The following CALN1 variants were observed in gnomAD, a reference collection of about 807,000 sequenced individuals.
CALN1 encodes calneuron 1.
Under a neutral mutation model 30.6 loss-of-function variants are expected in CALN1, and 17 were observed. That is an observed-to-expected ratio of 0.56 (90% confidence interval 0.38 to 0.83). The LOEUF (loss-of-function observed/expected upper bound fraction) is 0.83, where lower values mean the gene tolerates loss of function less well. Ranked by LOEUF, CALN1 falls within the 40% of genes least tolerant of loss-of-function variation. CALN1 has a pLI of 0.00. For synonymous variants in CALN1, 156 were observed against 131.4 expected (o/e 1.19, Z -1.28); for missense variants, 291 against 354.9 (o/e 0.82, Z 1.45).
At chr7:72,105,728 AGAG>A (rs1171675906) in intron 4 of CALN1, among the ~76,000 whole-genome samples, 5 of 146,920 alleles carry the variant, frequency 3.4e-5, no homozygotes, top group Non-Finnish European at 7.5e-5. Context: ...GTTATTTAGA[AGAG>A]GAGGAGGAGG....
At chr7:71,949,305 G>A (rs1434382359) in intron 5 of CALN1, among the ~76,000 whole-genome samples, 1 of 152,140 alleles carries the variant, frequency 6.6e-6, no homozygotes. Context: ...TGTACGTCGA[G>A]TAAGTGACTG....
chr7:71,913,007 A>G (rs1260908480), intron 5 of CALN1, among the ~76,000 whole-genome samples: 1 of 152,196 alleles, frequency 6.6e-6, no homozygotes, highest in African/African-American at 2.4e-5. Context: ...GCACCCATCA[A>G]GTGGAGGCTG....
rs146721779 is a variant in CALN1, at chr7:72,275,451, G to A, written c.244+3235C>T. Among the ~76,000 whole-genome samples, 204 of 152,170 alleles carry A rather than the reference G, an allele frequency of 1.3e-3. 1 individual carries two copies. The highest frequency in any genetic ancestry group is 4.6e-3 in the African/African-American group (193 of 41,514). ...CCTGCTCTAAAATCAGAACACATCC[G>A]CACTGTCCTGCCCAGAGCCCCGAGA... On this transcript the variant is annotated intron_variant, in intron 3 of 6. Coordinates refer to ENST00000395275, the MANE Select transcript of CALN1 (RefSeq NM_031468.4).
chr7:72,184,746 C>T (rs1790061404), intron 3 of CALN1, among the ~76,000 whole-genome samples: 1 of 152,158 alleles, frequency 6.6e-6, no homozygotes, highest in Middle Eastern at 3.4e-3. Context: ...GAGTATTCTG[C>T]AGGTACTTAG....
At chr7:72,281,471 AC>A (rs1797729415) in intron 2 of CALN1, among the ~76,000 whole-genome samples, 1 of 152,206 alleles carries the variant, frequency 6.6e-6, no homozygotes. Context: ...AGTGAGCCTC[AC>A]CAGCTGTTAT....
chr7:72,432,330 A>C (rs1808005293), intron 1 of CALN1, among the ~76,000 whole-genome samples: 1 of 152,176 alleles, frequency 6.6e-6, no homozygotes, highest in African/African-American at 2.4e-5. Flanking sequence ...GAGTCCATTA[A>C]ACCTCTTTTT....
intron 5 of CALN1, among the ~76,000 whole-genome samples, chr7:72,007,704 G>C (rs1057273385): frequency 1.3e-5 from 2 of 152,204 alleles, no homozygotes; most frequent in Admixed American, 6.5e-5. Flanking sequence ...CAACATCTGC[G>C]CTCTATGCAA....
rs142580326 is a variant in CALN1 at position 72,371,280 on chromosome 7, T to C, written c.119+31971A>G. 4.1e-3 allele frequency among the ~76,000 whole-genome samples: 617 copies of C among 152,288 alleles called. 3 individuals carry two copies. Among genetic ancestry groups the C allele is most frequent in the African/African-American group, 0.014 (591 of 41,560 alleles). Reference sequence around the variant, plus strand: ...TGAGATCTAAGGATTGAAGTATGTATGTTTGCATGTATGCATATGATATGG... The same window carrying C: ...TGAGATCTAAGGATTGAAGTATGTACGTTTGCATGTATGCATATGATATGG... On this transcript the variant is annotated intron_variant, in intron 2 of 6. Coordinates refer to ENST00000395275, the MANE Select transcript of CALN1 (RefSeq NM_031468.4).
At chr7:72,087,503 G>A (rs1805556861) in intron 4 of CALN1, among the ~76,000 whole-genome samples, 1 of 152,134 alleles carries the variant, frequency 6.6e-6, no homozygotes, top group Non-Finnish European at 1.5e-5. Flanking sequence ...ACCAAAGAGT[G>A]TTAGAAAAGT....
At chr7:71,985,226 A>G (rs1039696879) in intron 5 of CALN1, among the ~76,000 whole-genome samples, 5 of 152,184 alleles carry the variant, frequency 3.3e-5, no homozygotes, top group African/African-American at 1.2e-4. Context: ...GCAAATCAAA[A>G]CGACTATGAA....
rs117973975 is a variant in CALN1, at chr7:72,390,581, C to T, written c.119+12670G>A. Among the ~76,000 whole-genome samples, 1,250 of 152,266 alleles carry T rather than the reference C, an allele frequency of 8.2e-3. 7 individuals carry two copies. The highest frequency in any genetic ancestry group is 0.014 in the Middle Eastern group (4 of 294). ...AAGAATATACCTTTATTTCCATTAT[C>T]CTATAAATGAAATCTAGCATTTTCT... is the stretch of plus-strand genomic sequence containing the variant. On this transcript the variant is annotated intron_variant, in intron 2 of 6. Coordinates refer to ENST00000395275, the MANE Select transcript of CALN1 (RefSeq NM_031468.4).
intron 3 of CALN1, among the ~76,000 whole-genome samples, chr7:72,150,649 G>C (rs1206699441): frequency 6.6e-6 from 1 of 152,192 alleles, no homozygotes; most frequent in Non-Finnish European, 1.5e-5. Context: ...AGAGCAGAGA[G>C]AACGTGAGAG....
chr7:72,297,643 GTTGAGT>G (rs1798959965), intron 2 of CALN1, among the ~76,000 whole-genome samples: 1 of 152,154 alleles, frequency 6.6e-6, no homozygotes, highest in South Asian at 2.1e-4. Flanking sequence ...TTGGTTTTGG[GTTGAGT>G]TTATTTCCAG....
chr7:71,856,508 T>C (rs890736575), intron 5 of CALN1, among the ~76,000 whole-genome samples: 7 of 152,300 alleles, frequency 4.6e-5, no homozygotes, highest in African/African-American at 1.7e-4. Context: ...TTTAAAAACA[T>C]TACTTATTAT....
intron 2 of CALN1, among the ~76,000 whole-genome samples, chr7:72,379,944 T>G (rs890277443): frequency 6.6e-6 from 1 of 152,184 alleles, no homozygotes; most frequent in African/African-American, 2.4e-5. Context: ...TTCACTCAAC[T>G]TCTCTGTTTT....
At chr7:72,504,277 C>G in the CALN1 span, among the ~76,000 whole-genome samples, 1 of 152,300 alleles carries the variant, frequency 6.6e-6, no homozygotes, top group East Asian at 1.9e-4. Context: ...GATGAAATAC[C>G]ATTCCACAAG....
intron 3 of CALN1, among the ~76,000 whole-genome samples, chr7:72,131,598 G>C (rs1809153868): frequency 6.6e-6 from 1 of 152,058 alleles, no homozygotes; most frequent in Admixed American, 6.5e-5. Flanking sequence ...CCCAACACAT[G>C]GGCAAATTCT....
intron 2 of CALN1, among the ~76,000 whole-genome samples, chr7:72,384,011 G>A (rs1805063187): frequency 6.6e-6 from 1 of 152,138 alleles, no homozygotes; most frequent in Non-Finnish European, 1.5e-5. Context: ...TATGTTTATT[G>A]CAGCACTATT....
intron 6 of CALN1, among the ~76,000 whole-genome samples, chr7:71,794,928 T>C (rs1362436925): frequency 6.6e-6 from 1 of 152,270 alleles, no homozygotes; most frequent in African/African-American, 2.4e-5. Context: ...CCTGGCTCTG[T>C]TCCAGCCTTG....
Sources: gnomAD v4.1 joint callset for allele counts (sites outside exome capture counted in the v4.1 genomes callset) on GRCh38, gnomAD v4.1.1 for gene constraint, MANE v1.5 for transcripts, NCBI Gene and HGNC (gene_info 2026-07-23, HGNC 2026-07-21) for gene names.